Variants in POLR1C observed in about 807,000 individuals in gnomAD.
POLR1C encodes the protein DNA-directed RNA polymerases I and III subunit RPAC1.
In POLR1C, 42 loss-of-function variants were observed where a neutral mutation model predicts 38.3. The ratio of observed to expected loss-of-function variants is 1.10; its 90% CI spans 0.86 to 1.42. The LOEUF is 1.42. Ranked by LOEUF, POLR1C falls within the 40% of genes most tolerant of loss-of-function variation. The pLI is 0.00. For synonymous variants in POLR1C, 163 were observed against 163.9 expected (o/e 0.99, Z 0.04); for missense variants, 507 against 450.5 (o/e 1.13, Z -1.14).
At chr6:43,537,140 C>CT (rs70990198) in intron 9 of POLR1C, among the ~76,000 whole-genome samples, 53,961 of 137,068 alleles carry the variant, frequency 0.39, 11,041 homozygotes, top group African/African-American at 0.47. Flanking sequence ...ATAATTAAAA[C>CT]TTTTTTTTTT....
chr6:43,530,457 G>A (rs923995179), downstream of POLR1C, among the ~76,000 whole-genome samples: 3 of 151,970 alleles, frequency 2.0e-5, no homozygotes, highest in Non-Finnish European at 2.9e-5. Context: ...TAATAATTCC[G>A]AGAAGGGGGA....
At chr6:43,520,037 G>C in intron 4 of POLR1C, 29 bp from the exon 5 acceptor site, 2 of 1,613,472 alleles carry the variant, frequency 1.2e-6, no homozygotes, top group Non-Finnish European at 1.7e-6. Flanking sequence ...ACGTTTACTA[G>C]TTCTTAGGAG....
chr6:43,550,900 C>T (rs1460239987), intron 9 of POLR1C: 1 of 155,282 alleles, frequency 6.4e-6, no homozygotes, highest in Non-Finnish European at 1.4e-5. Flanking sequence ...CTAATACTCT[C>T]CTTTATACAA....
chr6:43,527,104 T>C (rs1793645379), intron 8 of POLR1C: 1 of 243,222 alleles, frequency 4.1e-6, no homozygotes, highest in Non-Finnish European at 8.2e-6. Context: ...ATTTAAAACA[T>C]TTCCCTATTT....
In POLR1C at chr6:43,535,530, C is replaced by T. The variant is rs73426763; in HGVS notation, c.*4+6171C>T. Among the ~76,000 whole-genome samples, 711 of 152,218 alleles carry T rather than the reference C, an allele frequency of 4.7e-3. 8 individuals carry two copies. Among genetic ancestry groups the T allele is most frequent in the African/African-American group, 0.016 (655 of 41,536 alleles). On this transcript the variant is annotated intron_variant, in intron 9 of 10. Coordinates refer to the POLR1C transcript ENST00000607635. ...ATCTTTCAGACCATGTTTAAGCCTCCATAGTTTGTTCTGTTTGTTCTTGCT... is the reference window on the plus strand; with the variant it reads ...ATCTTTCAGACCATGTTTAAGCCTCTATAGTTTGTTCTGTTTGTTCTTGCT...
At chr6:43,529,376 AC>A in exon 9 of POLR1C, 3 of 235,228 alleles carry the variant, frequency 1.3e-5, no homozygotes, top group Non-Finnish European at 2.4e-5. Context: ...CCCCGTCTCT[AC>A]TAAAAAAAAA....
chr6:43,539,673 GCC>G, intron 9 of POLR1C: 1 of 1,000,806 alleles, frequency 1.0e-6, no homozygotes, highest in Non-Finnish European at 1.5e-6. Context: ...GGGCCTCCAG[GCC>G]CCCCCACTGC....
intron 10 of POLR1C, among the ~76,000 whole-genome samples, chr6:43,557,204 A>G (rs1277669781): frequency 6.6e-6 from 1 of 151,048 alleles, no homozygotes. Context: ...AGGCGGGTGG[A>G]TCACGAGGTC....
chr6:43,538,652 C>T (rs970885337), intron 9 of POLR1C, among the ~76,000 whole-genome samples: 2 of 152,048 alleles, frequency 1.3e-5, no homozygotes, highest in Non-Finnish European at 2.9e-5. Context: ...TTGGGATTTT[C>T]GTCTCTATGT....
rs989298455 is a variant in POLR1C, at chr6:43,543,061, A to G, written c.*5-7907A>G. On this transcript the variant is annotated intron_variant, in intron 9 of 10. Transcript: ENST00000607635. ...AACACAAGTACATTCATGCAGTAAC[A>G]TGGATGAACCTCAGAAACAAAATAT... Among the ~76,000 whole-genome samples, 13 of 152,256 alleles carry G rather than the reference A, an allele frequency of 8.5e-5. 1 individual carries two copies. The highest frequency in any genetic ancestry group is 7.2e-4 in the Admixed American group (11 of 15,284).
chr6:43,532,921 G>A (rs1455260222), downstream of POLR1C, among the ~76,000 whole-genome samples: 7 of 152,210 alleles, frequency 4.6e-5, no homozygotes, highest in Admixed American at 4.6e-4. Context: ...AAGGCAGGCA[G>A]AGCACTTGAG....
intron 9 of POLR1C, chr6:43,538,933 C>T (rs753556852): frequency 7.7e-7 from 1 of 1,292,832 alleles, no homozygotes; most frequent in Non-Finnish European, 1.1e-6. Context: ...ATACAGTCTC[C>T]TTCCAGAGGT....
At chr6:43,535,106 C>T (rs892215778) in intron 9 of POLR1C, among the ~76,000 whole-genome samples, 1 of 150,812 alleles carries the variant, frequency 6.6e-6, no homozygotes, top group Non-Finnish European at 1.5e-5. Context: ...TCCTGGCTAA[C>T]ACAGTGAAAC....
downstream of POLR1C, among the ~76,000 whole-genome samples, chr6:43,521,690 T>C (rs112790179): frequency 3.7e-4 from 57 of 152,258 alleles, 1 homozygote; most frequent in Middle Eastern, 3.4e-3. Flanking sequence ...CCTAGCTATA[T>C]GTCTAATTTT....
downstream of POLR1C, chr6:43,524,124 G>T (rs191431762): frequency 9.1e-6 from 13 of 1,421,692 alleles, no homozygotes; most frequent in East Asian, 3.2e-4. Context: ...GGCCAAGGCG[G>T]GTGGATCACC....
chr6:43,553,880 C>T (rs528982201), intron 10 of POLR1C, among the ~76,000 whole-genome samples: 1 of 152,128 alleles, frequency 6.6e-6, no homozygotes, highest in Admixed American at 6.6e-5. Flanking sequence ...CCCTCCTCCC[C>T]CTTTATAATC....
chr6:43,557,704 A>G (rs1254692352), intron 10 of POLR1C, among the ~76,000 whole-genome samples: 1 of 150,092 alleles, frequency 6.7e-6, no homozygotes, highest in Non-Finnish European at 1.5e-5. Context: ...ACAACTCTGT[A>G]AAAATACTAA....
chr6:43,551,199 T>A (rs1191088286), intron 10 of POLR1C: 2 of 1,288,956 alleles, frequency 1.6e-6, no homozygotes, highest in African/African-American at 3.0e-5. Flanking sequence ...GAGTCCAGCC[T>A]GGGCAATGTA....
intron 9 of POLR1C, chr6:43,549,690 AC>A (rs1795136217): frequency 4.5e-6 from 6 of 1,333,182 alleles, no homozygotes; most frequent in Non-Finnish European, 6.2e-6. Flanking sequence ...ATTTTTCACA[AC>A]CCTAAGAGTA....
Sources: allele counts gnomAD v4.1 joint callset (sites outside exome capture counted in the v4.1 genomes callset), GRCh38; gene constraint gnomAD v4.1.1; transcripts MANE v1.5; gene names NCBI Gene and HGNC (gene_info 2026-07-23, HGNC 2026-07-21).